Variants in DOCK8 observed in about 807,000 individuals in gnomAD.
DOCK8 encodes dedicator of cytokinesis protein 8.
In DOCK8, 141 loss-of-function variants were observed where a neutral mutation model predicts 245.6. That is an observed-to-expected ratio of 0.57 (90% CI 0.50 to 0.66). The LOEUF (loss-of-function observed/expected upper bound fraction) is 0.66, where lower values mean the gene tolerates loss of function less well. Among genes scored for constraint, DOCK8 ranks in the 30% least tolerant of loss-of-function variants. DOCK8 has a pLI of 0.00. For synonymous variants in DOCK8, 1,168 were observed against 970.2 expected, an observed-to-expected ratio of 1.20 and a Z score of -3.79; for missense variants, 2,965 against 2,603.4, an observed-to-expected ratio of 1.14 and a Z score of -3.02.
At chr9:424,934 T>G (rs1160880328) in intron 33 of DOCK8, among the ~76,000 whole-genome samples, 2 of 152,222 alleles carry the variant, frequency 1.3e-5, no homozygotes, top group East Asian at 3.9e-4. Context: ...TATCAAATGC[T>G]TGAAATATGG....
At chr9:425,496 CA>C (rs1554703337) in intron 33 of DOCK8, among the ~76,000 whole-genome samples, 2 of 143,836 alleles carry the variant, frequency 1.4e-5, no homozygotes, top group African/African-American at 2.7e-5. Flanking sequence ...TGCGCCACTG[CA>C]CTCTGCACTC....
At position 441,976 on chromosome 9, in the gene DOCK8, T is replaced by C; in HGVS notation, c.5457T>C (p.Ile1819=). 6.2e-7 allele frequency: 1 copy of C among 1,614,084 alleles called. No homozygotes were observed. Among genetic ancestry groups the C allele is most frequent in the Non-Finnish European group, 8.5e-7 (1 of 1,180,010 alleles). Residue 1819 remains isoleucine (I), a synonymous_variant, in exon 42 of 48, where the codon ATT becomes ATC. Coordinates refer to ENST00000432829, the MANE Select transcript of DOCK8 (RefSeq NM_203447.4). ...AGTTTGTCTACAAAGAGCCTGCAAT[T>C]ACCAAGCTTCCTGAGATCTCACATA... is the stretch of plus-strand genomic sequence containing the variant. ...EQEFVYKEPA[I]TKLPEISHRL...
rs776197556 is a variant in DOCK8 at position 336,582 on chromosome 9, G to A, written c.1286G>A (p.Gly429Glu). ...GGAGTGACAATTGTTTTTCTTAAAG[G>A]GAGAAGCTCAGTGGGTGAACGGAGG... ...REVTDVDSVV[G>E]RSSVGERRTL... The change falls in exon 12 of 48, where the codon GGG (glycine) becomes GAG (glutamate). Residue 429 changes from glycine (G) to glutamate (E), a missense_variant and splice_region_variant. Physicochemically the swap from Gly to Glu is moderately conservative, Grantham distance 98 (BLOSUM62 -2). Transcript: ENST00000432829. 11 of 1,614,184 alleles carry A rather than the reference G, an allele frequency of 6.8e-6. No homozygotes were observed. Among genetic ancestry groups the A allele is most frequent in the Non-Finnish European group, 8.5e-6 (10 of 1,180,022 alleles).
At chr9:265,357 T>C (rs117227810) in intron 1 of DOCK8, among the ~76,000 whole-genome samples, 3,110 of 152,342 alleles carry the variant, frequency 0.02, 47 homozygotes, top group South Asian at 0.049. Context: ...CCTGAAACAA[T>C]GGCTATTTTG....
intron 15 of DOCK8, chr9:369,988 A>G (rs918291150): frequency 1.8e-6 from 1 of 541,758 alleles, no homozygotes; most frequent in Non-Finnish European, 3.3e-6. Flanking sequence ...TTTTTTGTAG[A>G]GATGAGGTTT....
At chr9:298,123 A>C (rs2049344126) in intron 4 of DOCK8, among the ~76,000 whole-genome samples, 1 of 152,152 alleles carries the variant, frequency 6.6e-6, no homozygotes, top group South Asian at 2.1e-4. Flanking sequence ...GCATCTTTTG[A>C]AGAGAAAATT....
At chr9:443,233 T>C (rs542343765) in intron 42 of DOCK8, among the ~76,000 whole-genome samples, 194 bp from the exon 43 acceptor site, 2 of 152,290 alleles carry the variant, frequency 1.3e-5, no homozygotes, top group African/African-American at 4.8e-5. Context: ...GGGAAGCATA[T>C]ACCAGTTGAC....
intron 26 of DOCK8, among the ~76,000 whole-genome samples, chr9:401,120 A>ACCTCCACCACCACCACCTCCAC (rs2055078995): frequency 6.6e-6 from 1 of 151,578 alleles, no homozygotes; most frequent in Non-Finnish European, 1.5e-5. Context: ...CATCACCACC[A>ACCTCCACCACCACCACCTCCAC]CGTTCTCTGT....
chr9:217,623 G>T (rs574562581), intron 1 of DOCK8, among the ~76,000 whole-genome samples: 2 of 152,256 alleles, frequency 1.3e-5, no homozygotes, highest in African/African-American at 2.4e-5. Flanking sequence ...ATGCTAAGGA[G>T]CTTGGCAGAA....
chr9:230,601 T>C (rs937979315), intron 1 of DOCK8, among the ~76,000 whole-genome samples: 2 of 152,062 alleles, frequency 1.3e-5, no homozygotes, highest in African/African-American at 4.8e-5. Flanking sequence ...TTCTAACTGG[T>C]GTGAGATGGT....
At chr9:325,884 A>G (rs551869488) in intron 8 of DOCK8, 147 bp downstream of exon 8, 46 of 772,166 alleles carry the variant, frequency 6.0e-5, no homozygotes, top group Middle Eastern at 2.7e-4. Flanking sequence ...TGCCTTTGCA[A>G]TTTTTCAAGC....
chr9:244,007 A>G (rs367875018), intron 1 of DOCK8, among the ~76,000 whole-genome samples: 1 of 151,500 alleles, frequency 6.6e-6, no homozygotes, highest in South Asian at 2.1e-4. Context: ...ACATGGTGAA[A>G]CCCCGTCTCT....
intron 1 of DOCK8, among the ~76,000 whole-genome samples, chr9:232,771 T>G (rs1288808357): frequency 6.6e-6 from 1 of 152,186 alleles, no homozygotes; most frequent in Admixed American, 6.5e-5. Context: ...ACTGCGTCTG[T>G]TTGATTCTTC....
chr9:306,145 A>G (rs2049816707), intron 5 of DOCK8, among the ~76,000 whole-genome samples: 1 of 152,332 alleles, frequency 6.6e-6, no homozygotes, highest in East Asian at 1.9e-4. Context: ...GTAAACTAAT[A>G]TAGTTTTCAG....
At chr9:251,530 C>A (rs745850041) in intron 1 of DOCK8, among the ~76,000 whole-genome samples, 3 of 152,098 alleles carry the variant, frequency 2.0e-5, no homozygotes, top group Non-Finnish European at 4.4e-5. Flanking sequence ...TGCCAAGCCC[C>A]CGGGAAGGAA....
intron 29 of DOCK8, among the ~76,000 whole-genome samples, chr9:416,185 G>C (rs1331468812): frequency 6.6e-6 from 1 of 152,210 alleles, no homozygotes; most frequent in African/African-American, 2.4e-5. Context: ...ACACAGGGCT[G>C]AGCAAGCTGC....
chr9:286,224 C>T (rs528470819), intron 2 of DOCK8, among the ~76,000 whole-genome samples: 3 of 152,106 alleles, frequency 2.0e-5, no homozygotes, highest in Non-Finnish European at 4.4e-5. Context: ...AGAAAAATTC[C>T]GCCTTGGGGT....
At chr9:401,031 C>T (rs989243114) in intron 26 of DOCK8, among the ~76,000 whole-genome samples, 2 of 149,164 alleles carry the variant, frequency 1.3e-5, no homozygotes, top group East Asian at 4.0e-4. Context: ...ACCTCCTTCA[C>T]CTCCACCATC....
chr9:270,529 C>T (rs937391335), intron 1 of DOCK8, among the ~76,000 whole-genome samples: 9 of 152,304 alleles, frequency 5.9e-5, no homozygotes, highest in African/African-American at 2.2e-4. Context: ...CTAGGTGTAA[C>T]TCATTGCCAA....
Sources: gnomAD v4.1 joint callset for allele counts (sites outside exome capture counted in the v4.1 genomes callset) on GRCh38, gnomAD v4.1.1 for gene constraint, MANE v1.5 for transcripts, NCBI Gene and HGNC (gene_info 2026-07-23, HGNC 2026-07-21) for gene names.